FAM193A: variants seen among roughly 807,000 people sequenced by gnomAD.
FAM193A encodes the protein family with sequence similarity 193 member A.
Under a neutral mutation model 126.5 loss-of-function variants are expected in FAM193A, and 22 were observed. The observed-to-expected ratio is 0.17, with a 90% CI of 0.12 to 0.25. The LOEUF (loss-of-function observed/expected upper bound fraction) is 0.25. FAM193A is among the 10% of genes least tolerant of loss of function. The pLI, the probability that FAM193A is intolerant of heterozygous loss-of-function variation, is 1.00. For missense variants in FAM193A, 1,675 were observed against 1,672.8 expected (o/e 1.00, Z -0.02); for synonymous variants, 761 against 646.8 (o/e 1.18, Z -2.68).
chr4:2,612,128 G>T (rs570684021), intron 2 of FAM193A, among the ~76,000 whole-genome samples: 23 of 151,784 alleles, frequency 1.5e-4, no homozygotes, highest in South Asian at 1.0e-3. Flanking sequence ...GAGCCACCGC[G>T]CCCGGCTCCA....
At chr4:2,543,073 G>A (rs1045479432) in intron 1 of FAM193A, among the ~76,000 whole-genome samples, 3 of 150,796 alleles carry the variant, frequency 2.0e-5, no homozygotes, top group African/African-American at 7.3e-5. Flanking sequence ...TATCAACCTT[G>A]CGCTACCTCA....
intron 3 of FAM193A, 187 bp downstream of exon 3, chr4:2,625,582 A>G: frequency 2.2e-6 from 1 of 447,616 alleles, no homozygotes; most frequent in Non-Finnish European, 4.0e-6. Context: ...AACTGGCACT[A>G]GGAAGCATCC....
At chr4:2,590,134 C>CAA (rs373845579) in intron 1 of FAM193A, among the ~76,000 whole-genome samples, 54 of 106,522 alleles carry the variant, frequency 5.1e-4, no homozygotes, top group South Asian at 1.9e-3. Flanking sequence ...GACTCTGTCT[C>CAA]AAAAAAAAAA....
At chr4:2,593,779 A>T (rs1285663935) in intron 1 of FAM193A, among the ~76,000 whole-genome samples, 3 of 152,062 alleles carry the variant, frequency 2.0e-5, no homozygotes, top group Non-Finnish European at 2.9e-5. Flanking sequence ...GAAAGGTCTG[A>T]TGGGTATGGC....
At chr4:2,544,683 G>A (rs909761414) in intron 1 of FAM193A, among the ~76,000 whole-genome samples, 2 of 151,974 alleles carry the variant, frequency 1.3e-5, no homozygotes, top group African/African-American at 4.8e-5. Context: ...CAGACTGGGT[G>A]ACAGAGCAAG....
intron 7 of FAM193A, among the ~76,000 whole-genome samples, chr4:2,655,791 TGTG>T (rs2109088534): frequency 6.6e-6 from 1 of 151,674 alleles, no homozygotes; most frequent in African/African-American, 2.4e-5. Flanking sequence ...ATTAGCCAGG[TGTG>T]GTGGTGTGTG....
intron 1 of FAM193A, among the ~76,000 whole-genome samples, chr4:2,565,379 C>T (rs2108847635): frequency 1.3e-5 from 2 of 150,260 alleles, no homozygotes; most frequent in African/African-American, 4.9e-5. Flanking sequence ...CCTGCTTCAG[C>T]CTCCGGAGTA....
intron 2 of FAM193A, among the ~76,000 whole-genome samples, chr4:2,618,486 G>T (rs942200869): frequency 2.6e-5 from 4 of 151,776 alleles, no homozygotes; most frequent in African/African-American, 9.7e-5. Flanking sequence ...GGAGTGCGAT[G>T]GTGCGATCTC....
At position 2,596,118 on chromosome 4, in the gene FAM193A, C is replaced by A. The variant is rs1740845970; in HGVS notation, c.290C>A (p.Pro97Gln). ...AGTTTTGGCATGAATCATAGGACAC[C>A]ACCCTACCCTGCTGGGGATTATTGT... ...PFSFGMNHRT[P>Q]PYPAGDYCLL... Residue 97 changes from proline to glutamine, a missense_variant, in exon 2 of 21, where the codon CCA becomes CAA. By Grantham distance (76) the Pro-to-Gln change is moderately conservative. Around this residue, in one of 4 missense-constraint regions of FAM193A, gnomAD observed 1,186 missense variants for 1,109.2 expected, o/e 1.07. Transcript: ENST00000637812. 1.4e-6 allele frequency: 1 copy of A among 702,776 alleles called. No homozygotes were observed. Among genetic ancestry groups the A allele is most frequent in the Non-Finnish European group, 2.6e-6 (1 of 384,962 alleles). The allele number at this position is 702,776 out of a possible 1,614,324, so 43.5% of individuals were successfully genotyped here.
chr4:2,624,464 C>T (rs1742765368), intron 2 of FAM193A, among the ~76,000 whole-genome samples: 1 of 152,170 alleles, frequency 6.6e-6, no homozygotes, highest in South Asian at 2.1e-4. Context: ...TTTCTTAAGC[C>T]TCCTTGTTCC....
intron 1 of FAM193A, among the ~76,000 whole-genome samples, chr4:2,585,392 G>T (rs1393491833): frequency 6.6e-6 from 1 of 152,146 alleles, no homozygotes; most frequent in Non-Finnish European, 1.5e-5. Context: ...CGTGGGTTTT[G>T]TCCTAATTTT....
intron 2 of FAM193A, among the ~76,000 whole-genome samples, chr4:2,604,883 G>T (rs964543304): frequency 7.2e-6 from 1 of 139,332 alleles, no homozygotes; most frequent in African/African-American, 2.7e-5. Context: ...CTGCAGCCTC[G>T]ACCTCCTGGG....
intron 5 of FAM193A, among the ~76,000 whole-genome samples, chr4:2,637,247 A>G (rs894752984): frequency 6.6e-6 from 1 of 152,180 alleles, no homozygotes; most frequent in African/African-American, 2.4e-5. Flanking sequence ...GGATTGCTTG[A>G]GCCTGGGAGG....
chr4:2,555,460 C>T (rs780734863), intron 1 of FAM193A, among the ~76,000 whole-genome samples: 27 of 152,000 alleles, frequency 1.8e-4, no homozygotes, highest in Non-Finnish European at 3.7e-4. Flanking sequence ...GGGGTCCAAC[C>T]GATTTTGAAA....
intron 1 of FAM193A, among the ~76,000 whole-genome samples, chr4:2,552,340 G>A (rs779544613): frequency 7.9e-5 from 12 of 151,188 alleles, no homozygotes; most frequent in Non-Finnish European, 1.3e-4. Flanking sequence ...TTGTAGAGAC[G>A]GGGTTTTGCC....
intron 7 of FAM193A, among the ~76,000 whole-genome samples, chr4:2,656,789 C>T (rs1477694651): frequency 6.6e-6 from 1 of 152,198 alleles, no homozygotes; most frequent in Non-Finnish European, 1.5e-5. Context: ...GACAAAATAG[C>T]CCATGAGCCC....
intron 1 of FAM193A, among the ~76,000 whole-genome samples, chr4:2,557,382 C>G (rs540223095): frequency 6.6e-6 from 1 of 152,168 alleles, no homozygotes; most frequent in Non-Finnish European, 1.5e-5. Flanking sequence ...GATATTCTAG[C>G]GAACCTTGGT....
At chr4:2,611,027 G>A (rs1030242489) in intron 2 of FAM193A, among the ~76,000 whole-genome samples, 2 of 151,244 alleles carry the variant, frequency 1.3e-5, no homozygotes, top group Non-Finnish European at 3.0e-5. Context: ...ATGAGCCACC[G>A]TGCCCGGCCG....
intron 1 of FAM193A, among the ~76,000 whole-genome samples, chr4:2,580,937 G>A (rs1053336851): frequency 6.6e-6 from 1 of 152,138 alleles, no homozygotes; most frequent in East Asian, 1.9e-4. Context: ...AGACCATCCT[G>A]GCTAACACGG....
Sources: allele counts gnomAD v4.1 joint callset (sites outside exome capture counted in the v4.1 genomes callset), GRCh38; gene constraint gnomAD v4.1.1; regional missense constraint gnomAD v4.1.1; transcripts MANE v1.5; gene names NCBI Gene and HGNC (gene_info 2026-07-23, HGNC 2026-07-21).